STIM1: variants seen among roughly 807,000 people sequenced by gnomAD.
The protein encoded by STIM1 is stromal interaction molecule 1.
In STIM1, 25 loss-of-function variants were observed where a neutral mutation model predicts 74.7. That is an observed-to-expected ratio of 0.33 (90% CI 0.24 to 0.47). The LOEUF (loss-of-function observed/expected upper bound fraction) is 0.47, where lower values mean the gene tolerates loss of function less well. Among genes scored for constraint, STIM1 ranks in the 20% least tolerant of loss-of-function variants. The probability of loss-of-function intolerance (pLI) is 1.00; values close to 1 mark genes in which losing one functional copy is unlikely to be tolerated. For synonymous variants in STIM1, 328 were observed against 348.8 expected (o/e 0.94, Z 0.66); for missense variants, 728 against 920.8 (o/e 0.79, Z 2.71).
At chr11:3,968,530 G>A (rs1470062115) in intron 2 of STIM1, among the ~76,000 whole-genome samples, 2 of 152,162 alleles carry the variant, frequency 1.3e-5, no homozygotes, top group Non-Finnish European at 2.9e-5. Context: ...TATACAGAGA[G>A]GAGTGACATG....
chr11:3,987,226 A>G (rs2093565955), intron 2 of STIM1, among the ~76,000 whole-genome samples: 1 of 152,234 alleles, frequency 6.6e-6, no homozygotes, highest in Non-Finnish European at 1.5e-5. Context: ...TTCTACATAC[A>G]GGCACTGTAA....
intron 3 of STIM1, among the ~76,000 whole-genome samples, chr11:4,035,453 G>GCATA (rs931702207): frequency 3.3e-5 from 5 of 151,824 alleles, no homozygotes; most frequent in Non-Finnish European, 7.4e-5. Flanking sequence ...CCCTGGAAAT[G>GCATA]CATACCTTTA....
intron 1 of STIM1, among the ~76,000 whole-genome samples, chr11:3,887,330 T>G (rs1262364181): frequency 6.6e-6 from 1 of 152,234 alleles, no homozygotes; most frequent in Non-Finnish European, 1.5e-5. Flanking sequence ...GTTCTCAGCC[T>G]GGCCTTGCAC....
chr11:3,887,969 CA>C (rs71047183), intron 1 of STIM1: 37,211 of 104,768 alleles, frequency 0.36, 5,585 homozygotes, highest in African/African-American at 0.5. Flanking sequence ...GACTCTGTCT[CA>C]AAAAAAAAAA....
At chr11:4,052,044 T>A (rs1404294420) in intron 3 of STIM1, among the ~76,000 whole-genome samples, 1 of 152,088 alleles carries the variant, frequency 6.6e-6, no homozygotes, top group African/African-American at 2.4e-5. Context: ...GAATCCAACT[T>A]ACAAGGGATG....
chr11:3,914,703 G>A (rs1480764755), intron 1 of STIM1, among the ~76,000 whole-genome samples: 1 of 152,194 alleles, frequency 6.6e-6, no homozygotes, highest in Admixed American at 6.5e-5. Flanking sequence ...GCCTCCCAAA[G>A]TGCTGGGACT....
At chr11:4,000,950 A>G (rs2093709852) in intron 2 of STIM1, among the ~76,000 whole-genome samples, 1 of 152,386 alleles carries the variant, frequency 6.6e-6, no homozygotes, top group Admixed American at 6.5e-5. Context: ...CAGAAGCCTC[A>G]GGACCCAATG....
rs758763118 is a variant in STIM1, at chr11:4,086,434, A to T, written c.1568-43A>T. On this transcript the variant is annotated intron_variant, in intron 11 of 12. Transcript: ENST00000526596. Reference sequence around the variant, plus strand: ...GGCACCTCCTTACCTGCCAGCCCAAAGTGGGCTGGCCCCTCCTGACACTTT... The same window carrying T: ...GGCACCTCCTTACCTGCCAGCCCAATGTGGGCTGGCCCCTCCTGACACTTT... 27 of 1,608,386 alleles carry T rather than the reference A, an allele frequency of 1.7e-5. No individual in the cohort carries two copies. In the South Asian group the frequency reaches 2.3e-4, roughly 14 times the overall value.
At chr11:4,000,979 A>C (rs944669269) in intron 2 of STIM1, among the ~76,000 whole-genome samples, 5 of 152,208 alleles carry the variant, frequency 3.3e-5, no homozygotes, top group Non-Finnish European at 5.9e-5. Flanking sequence ...TGGAAGAAAG[A>C]GTATCAGTGA....
intron 2 of STIM1, among the ~76,000 whole-genome samples, chr11:3,988,562 G>C (rs1167693021): frequency 6.6e-6 from 1 of 152,044 alleles, no homozygotes; most frequent in African/African-American, 2.4e-5. Flanking sequence ...TTGATAAGCT[G>C]TTACATATGT....
At chr11:4,044,279 G>C (rs2094173070) in intron 3 of STIM1, among the ~76,000 whole-genome samples, 1 of 152,162 alleles carries the variant, frequency 6.6e-6, no homozygotes, top group South Asian at 2.1e-4. Flanking sequence ...GTCTGTATCT[G>C]TACTAAGCTC....
At chr11:3,881,715 G>T (rs1029315657) in intron 1 of STIM1, among the ~76,000 whole-genome samples, 5 of 137,406 alleles carry the variant, frequency 3.6e-5, no homozygotes, top group Admixed American at 7.2e-5. Context: ...ATGGAATCTC[G>T]CTCTGTAGCC....
At chr11:4,060,116 C>T (rs558441744) in intron 5 of STIM1, among the ~76,000 whole-genome samples, 8 of 152,302 alleles carry the variant, frequency 5.3e-5, no homozygotes, top group African/African-American at 1.9e-4. Flanking sequence ...AGGGTGGTCT[C>T]TTCAGCCAGG....
At chr11:4,003,100 CT>C (rs1332522687) in intron 2 of STIM1, among the ~76,000 whole-genome samples, 1 of 146,700 alleles carries the variant, frequency 6.8e-6, no homozygotes, top group East Asian at 2.0e-4. Context: ...TAATCAATAG[CT>C]TACCAACCAA....
At chr11:4,086,882 CT>C (rs2094497137) in intron 12 of STIM1, 2 of 1,521,248 alleles carry the variant, frequency 1.3e-6, no homozygotes, top group Non-Finnish European at 1.8e-6. Context: ...TCTCTCTTTT[CT>C]TTCTTCCCTT....
Position 3,955,921 on chromosome 11 carries a change from T to A in STIM1, c.140-11631T>A, listed in dbSNP as rs1317031606. ...TATTTTTAAAAATTTTAATTAAAAATTTTTTTATTATTATTTTTTACTGCT... is the reference window on the plus strand; with the variant it reads ...TATTTTTAAAAATTTTAATTAAAAAATTTTTTATTATTATTTTTTACTGCT... On this transcript the variant is annotated intron_variant, in intron 1 of 12. Transcript: ENST00000526596. Among the ~76,000 whole-genome samples the A allele has an allele frequency of 4.0e-5, 6 of 151,716 alleles. No individual in the cohort carries two copies. The South Asian group carries it at 8.3e-4, about 21-fold the overall frequency.
chr11:3,864,924 A>G (rs2090794204), intron 1 of STIM1, among the ~76,000 whole-genome samples: 4 of 151,908 alleles, frequency 2.6e-5, no homozygotes, highest in Admixed American at 2.6e-4. Context: ...CTTTGACATG[A>G]CCTATCCTTT....
intron 1 of STIM1, among the ~76,000 whole-genome samples, chr11:3,884,058 A>C (rs1279899614): frequency 6.6e-6 from 1 of 152,112 alleles, no homozygotes; most frequent in African/African-American, 2.4e-5. Context: ...AGCAGGGCAA[A>C]GGATTAGAGA....
At chr11:3,954,205 G>A (rs1171445683) in intron 1 of STIM1, among the ~76,000 whole-genome samples, 1 of 152,026 alleles carries the variant, frequency 6.6e-6, no homozygotes, top group Non-Finnish European at 1.5e-5. Flanking sequence ...GGTAACTCCT[G>A]CTTGTGTGGT....
Sources: allele counts gnomAD v4.1 joint callset (sites outside exome capture counted in the v4.1 genomes callset), GRCh38; gene constraint gnomAD v4.1.1; transcripts MANE v1.5; gene names NCBI Gene and HGNC (gene_info 2026-07-23, HGNC 2026-07-21).